Variants in CATSPERD observed in about 807,000 individuals in gnomAD.
CATSPERD encodes the protein catsper channel auxiliary subunit delta.
In CATSPERD, 86 loss-of-function variants were observed where a neutral mutation model predicts 98.1. The ratio of observed to expected loss-of-function variants is 0.88; its 90% CI spans 0.74 to 1.05. CATSPERD has a LOEUF of 1.05. Ranked by LOEUF, CATSPERD falls within the 50% of genes least tolerant of loss-of-function variation. CATSPERD has a pLI of 0.00. For missense variants in CATSPERD, 995 were observed against 1,005.7 expected, an observed-to-expected ratio of 0.99 and a Z score of 0.14; for synonymous variants, 394 against 390.2, an observed-to-expected ratio of 1.01 and a Z score of -0.12.
chr19:5,771,940 GCTTTTCTTTTT>G (rs891124899), intron 19 of CATSPERD, among the ~76,000 whole-genome samples: 4 of 151,834 alleles, frequency 2.6e-5, no homozygotes, highest in African/African-American at 9.7e-5. Flanking sequence ...ACCTCATATA[GCTTTTCTTTTT>G]CTTTTCTTTT....
At chr19:5,776,432 C>T (rs2290779) in intron 21 of CATSPERD, 117 bp downstream of exon 21, 26 of 1,139,494 alleles carry the variant, frequency 2.3e-5, no homozygotes, top group South Asian at 1.5e-5. Flanking sequence ...ACAGCCCAGG[C>T]CGTCCCCAGG....
chr19:5,732,729 G>A (rs2055752306), intron 4 of CATSPERD, among the ~76,000 whole-genome samples: 1 of 152,140 alleles, frequency 6.6e-6, no homozygotes, highest in Non-Finnish European at 1.5e-5. Flanking sequence ...AGGCTGGAGT[G>A]CAGTGGTGCA....
intron 13 of CATSPERD, 88 bp downstream of exon 13, chr19:5,754,333 C>T (rs2056283531): frequency 1.2e-6 from 1 of 858,960 alleles, no homozygotes; most frequent in Non-Finnish European, 2.0e-6. Context: ...CCCTGGCATC[C>T]CCCACAAGGA....
At chr19:5,730,834 A>T (rs2055700771) in intron 4 of CATSPERD, among the ~76,000 whole-genome samples, 1 of 151,782 alleles carries the variant, frequency 6.6e-6, no homozygotes, top group Admixed American at 6.6e-5. Flanking sequence ...CCCTGTCTCT[A>T]CTAAAAATAC....
Position 5,754,173 on chromosome 19 carries a change from C to T in CATSPERD, c.1206C>T (p.Thr402=), listed in dbSNP as rs78691426. The change falls in exon 13 of 22, where the codon ACC becomes ACT. Residue 402 remains threonine (T), a synonymous_variant. Transcript: ENST00000381624. ...LTGEFIYRMY[T]IDMHSQLELT... The stretch of plus-strand genomic sequence containing the variant: ...GAGAATTTATATACAGGATGTATAC[C>T]ATTGACATGCACAGCCAGCTGGAAT... 1 of 1,613,710 alleles carries T rather than the reference C, an allele frequency of 6.2e-7. No homozygotes were observed. Among genetic ancestry groups the T allele is most frequent in the African/African-American group, 1.3e-5 (1 of 74,964 alleles).
intron 21 of CATSPERD, among the ~76,000 whole-genome samples, chr19:5,777,548 G>C (rs1039849095): frequency 3.3e-5 from 5 of 152,198 alleles, no homozygotes; most frequent in Admixed American, 3.3e-4. Flanking sequence ...GGATCCTGGT[G>C]ACAGCTGCCA....
chr19:5,751,388 C>A lies in CATSPERD; in HGVS notation c.988-259C>A, dbSNP rs1311606261. On this transcript the variant is annotated intron_variant, in intron 11 of 21. Coordinates refer to ENST00000381624, the MANE Select transcript of CATSPERD (RefSeq NM_152784.4). ...AAAATACAAAGAAAAAAAAAATTAG[C>A]CGGGTGTGGTGGCTGCGCGTCTGTA... Among the ~76,000 whole-genome samples, 6 of 149,578 alleles carry A rather than the reference C, an allele frequency of 4.0e-5. No individual in the cohort carries two copies. In the Admixed American group the frequency reaches 4.0e-4, roughly 10 times the overall value.
chr19:5,724,484 G>A (rs1477176274), intron 1 of CATSPERD, among the ~76,000 whole-genome samples: 1 of 152,136 alleles, frequency 6.6e-6, no homozygotes, highest in East Asian at 1.9e-4. Flanking sequence ...CAGATCACGA[G>A]GTCAGGAGTT....
chr19:5,759,669 G>A lies in CATSPERD; in HGVS notation c.1427+525G>A, dbSNP rs143273962. ...TTTGCACACCTGTGCTCACAGCAGC[G>A]TGATTCACAACAGTCAAAAGGCAAA... On this transcript the variant is annotated intron_variant, in intron 15 of 21. Transcript: ENST00000381624. 3.1e-4 allele frequency among the ~76,000 whole-genome samples: 47 copies of A among 151,698 alleles called. No individual in the cohort carries two copies. The East Asian group carries it at 3.5e-3, about 11-fold the overall frequency.
rs2056737176 is a variant in CATSPERD, at chr19:5,776,114, C to A, written c.1942-47C>A. 3 of 1,595,246 alleles carry A rather than the reference C, an allele frequency of 1.9e-6. No homozygotes were observed. In the African/African-American group the frequency reaches 4.0e-5, roughly 21 times the overall value. On this transcript the variant is annotated intron_variant, in intron 20 of 21. Coordinates refer to ENST00000381624, the MANE Select transcript of CATSPERD (RefSeq NM_152784.4). ...GCAGGGAGGAGGGAGGCTCAGGGCC[C>A]CCTCCCCAGTCCCTAGGGCCAGTGG... is the stretch of plus-strand genomic sequence containing the variant.
At chr19:5,762,977 G>A (rs2056471106) in intron 15 of CATSPERD, among the ~76,000 whole-genome samples, 1 of 151,106 alleles carries the variant, frequency 6.6e-6, no homozygotes, top group Admixed American at 6.6e-5. Context: ...GGATGGATGG[G>A]TGGGTGGATG....
intron 1 of CATSPERD, among the ~76,000 whole-genome samples, chr19:5,723,448 TGCCCA>T (rs1033322305): frequency 8.3e-5 from 12 of 144,636 alleles, no homozygotes; most frequent in African/African-American, 3.0e-4. Context: ...CCCGCCACCC[TGCCCA>T]GCTAATTTTT....
intron 9 of CATSPERD, among the ~76,000 whole-genome samples, chr19:5,747,275 A>G (rs941412127): frequency 1.3e-5 from 2 of 150,708 alleles, no homozygotes; most frequent in African/African-American, 4.9e-5. Context: ...CTCAGGCTCA[A>G]GTGATCCTCC....
At chr19:5,768,440 C>T (rs1568371917) in intron 18 of CATSPERD, among the ~76,000 whole-genome samples, 198 bp downstream of exon 18, 1 of 151,200 alleles carries the variant, frequency 6.6e-6, no homozygotes, top group Non-Finnish European at 1.5e-5. Context: ...GGGTTCACAC[C>T]ATTCTCCCGC....
intron 11 of CATSPERD, among the ~76,000 whole-genome samples, chr19:5,749,526 T>A (rs932620895): frequency 6.6e-6 from 1 of 152,168 alleles, no homozygotes; most frequent in Non-Finnish European, 1.5e-5. Flanking sequence ...TGAACCTTTT[T>A]TCGAAGGCTA....
Position 5,751,722 on chromosome 19 carries a change from C to G in CATSPERD, c.1063C>G (p.Pro355Ala). ...RSPGTLEILT[P>A]LRDTAFPAFD... The stretch of plus-strand genomic sequence containing the variant: ...CCCAGGGACTCTGGAAATACTGACC[C>G]CACTGCGTGACACAGCCTTTCCAGC... Residue 355 changes from proline to alanine, a missense_variant, in exon 12 of 22, where the codon CCA (proline) becomes GCA (alanine). Pro to Ala is a conservative substitution (Grantham distance 27). Transcript: ENST00000381624. 6.2e-7 allele frequency: 1 copy of G among 1,613,834 alleles called. No homozygotes were observed. The highest frequency in any genetic ancestry group is 8.5e-7 in the Non-Finnish European group (1 of 1,179,954).
At chr19:5,773,328 T>C (rs116823342) in intron 20 of CATSPERD, among the ~76,000 whole-genome samples, 5,565 of 152,124 alleles carry the variant, frequency 0.037, 130 homozygotes, top group African/African-American at 0.056. Context: ...CTTTAGGGGA[T>C]CTAGCAGGAA....
intron 14 of CATSPERD, 23 bp from the exon 15 acceptor site, chr19:5,759,063 G>GA: frequency 6.2e-7 from 1 of 1,612,600 alleles, no homozygotes; most frequent in Non-Finnish European, 8.5e-7. Flanking sequence ...ATACACTTGG[G>GA]ATTTTCTCTC....
intron 16 of CATSPERD, among the ~76,000 whole-genome samples, chr19:5,764,754 C>T (rs908943702): frequency 1.3e-5 from 2 of 152,132 alleles, no homozygotes; most frequent in Admixed American, 1.3e-4. Context: ...GCTGGGATTA[C>T]AGGCAAGCCC....
Sources: allele counts gnomAD v4.1 joint callset (sites outside exome capture counted in the v4.1 genomes callset), GRCh38; gene constraint gnomAD v4.1.1; transcripts MANE v1.5; gene names NCBI Gene and HGNC (gene_info 2026-07-23, HGNC 2026-07-21).